Variants in SERGEF observed in about 807,000 individuals in gnomAD.
SERGEF encodes the protein secretion-regulating guanine nucleotide exchange factor.
SERGEF carries 51 observed loss-of-function variants against 50.0 expected under a neutral mutation model. The observed-to-expected ratio is 1.02, with a 90% CI of 0.81 to 1.29. The LOEUF (loss-of-function observed/expected upper bound fraction) is 1.29, where lower values mean the gene tolerates loss of function less well. Among genes scored for constraint, SERGEF ranks in the 50% most tolerant of loss-of-function variants. The pLI, the probability that SERGEF is intolerant of heterozygous loss-of-function variation, is 0.00. For synonymous variants in SERGEF, 205 were observed against 212.4 expected (o/e 0.97, Z 0.30); for missense variants, 521 against 557.0 (o/e 0.94, Z 0.65).
chr11:17,933,715 CA>C (rs5790009), intron 9 of SERGEF, among the ~76,000 whole-genome samples: 29,670 of 139,952 alleles, frequency 0.21, 3,469 homozygotes, highest in Non-Finnish European at 0.29. Context: ...TTAAATTAGG[CA>C]AAAAAAAAAA....
intron 10 of SERGEF, among the ~76,000 whole-genome samples, chr11:17,841,102 G>A (rs1212765617): frequency 6.6e-6 from 1 of 152,108 alleles, no homozygotes; most frequent in Non-Finnish European, 1.5e-5. Context: ...CCACAAGGGT[G>A]GGAAGCAAAC....
chr11:17,933,213 T>C (rs1852387947), intron 9 of SERGEF, among the ~76,000 whole-genome samples: 1 of 152,190 alleles, frequency 6.6e-6, no homozygotes, highest in Non-Finnish European at 1.5e-5. Context: ...TGGTTAATCA[T>C]AAATCCATCT....
intron 3 of SERGEF, among the ~76,000 whole-genome samples, chr11:18,004,914 C>T (rs211137): frequency 0.51 from 77,888 of 152,040 alleles, 20,960 homozygotes; most frequent in African/African-American, 0.69. Flanking sequence ...TAGGGGACAG[C>T]GGTCATGTAA....
chr11:17,880,637 A>T (rs1307127719), intron 9 of SERGEF, among the ~76,000 whole-genome samples: 1 of 152,130 alleles, frequency 6.6e-6, no homozygotes, highest in Non-Finnish European at 1.5e-5. Flanking sequence ...TTTTATACAA[A>T]ATTTTTATAA....
rs1283060597 is a variant in SERGEF at position 17,998,458 on chromosome 11, T to C, written c.508+2039A>G. Among the ~76,000 whole-genome samples, 62 of 65,566 alleles carry C rather than the reference T, an allele frequency of 9.5e-4. 1 individual carries two copies. Among genetic ancestry groups the C allele is most frequent in the South Asian group, 3.2e-3 (6 of 1,864 alleles). 43.0% of individuals were successfully genotyped at this position (65,566 alleles called of 152,430 possible). A position where few individuals can be genotyped will look rare whatever the true frequency, so the allele number is the denominator to read the frequency against. On this transcript the variant is annotated intron_variant, in intron 5 of 10. Transcript: ENST00000265965. The stretch of plus-strand genomic sequence containing the variant: ...ATACATACATATATATATATATATA[T>C]ATATATATATATATATATATATATA...
chr11:17,844,613 T>C (rs896407301), intron 10 of SERGEF, among the ~76,000 whole-genome samples: 13 of 152,146 alleles, frequency 8.5e-5, no homozygotes, highest in African/African-American at 3.1e-4. Context: ...CCTTGCGTCT[T>C]CCTCCACCCA....
At chr11:17,845,277 G>T (rs1281104243) in intron 10 of SERGEF, among the ~76,000 whole-genome samples, 3 of 152,084 alleles carry the variant, frequency 2.0e-5, no homozygotes, top group African/African-American at 7.2e-5. Context: ...TTACCTTTGG[G>T]GGCTCAGCTA....
intron 10 of SERGEF, chr11:17,855,130 T>G (rs933885830): frequency 1.3e-5 from 2 of 152,212 alleles, no homozygotes; most frequent in Admixed American, 6.5e-5. Context: ...TTCTTACTTT[T>G]TATACAAAAT....
chr11:17,924,882 T>C lies in SERGEF; in HGVS notation c.1011+34588A>G, dbSNP rs557624895. Reference sequence around the variant, plus strand: ...AATTTGTGCAATAGAGGAGCATGAATATGGAAAATTCCAGCTGAAAACTTT... The same window carrying C: ...AATTTGTGCAATAGAGGAGCATGAACATGGAAAATTCCAGCTGAAAACTTT... On this transcript the variant is annotated intron_variant, in intron 9 of 10. Coordinates refer to ENST00000265965, the MANE Select transcript of SERGEF (RefSeq NM_012139.4). Among the ~76,000 whole-genome samples the C allele has an allele frequency of 2.6e-5, 4 of 152,232 alleles. No homozygotes were observed. The East Asian group carries it at 7.7e-4, about 29-fold the overall frequency.
intron 9 of SERGEF, among the ~76,000 whole-genome samples, chr11:17,948,403 G>A (rs1428922436): frequency 2.0e-5 from 3 of 152,170 alleles, no homozygotes; most frequent in Admixed American, 1.3e-4. Context: ...CCGCAGTGTA[G>A]TCTCTTGATT....
intron 10 of SERGEF, among the ~76,000 whole-genome samples, chr11:17,845,528 T>C (rs1284152039): frequency 1.3e-5 from 2 of 152,218 alleles, no homozygotes; most frequent in Non-Finnish European, 2.9e-5. Context: ...CCTGGCTCTG[T>C]TCACTGATAT....
chr11:17,788,504 C>G, intron 10 of SERGEF, 91 bp from the exon 11 acceptor site: 1 of 1,097,996 alleles, frequency 9.1e-7, no homozygotes, highest in Non-Finnish European at 1.3e-6. Flanking sequence ...ATCATAAACC[C>G]CAGTTCACTC....
intron 10 of SERGEF, among the ~76,000 whole-genome samples, chr11:17,873,995 G>C (rs1851198368): frequency 6.6e-6 from 1 of 152,186 alleles, no homozygotes; most frequent in Admixed American, 6.5e-5. Context: ...GCTGGATCTG[G>C]GGACCCTGCC....
chr11:17,841,382 G>A (rs965396958), intron 10 of SERGEF, among the ~76,000 whole-genome samples: 1 of 152,132 alleles, frequency 6.6e-6, no homozygotes, highest in Non-Finnish European at 1.5e-5. Context: ...CAGAAACCTG[G>A]GGCTTATGCT....
intron 1 of SERGEF, among the ~76,000 whole-genome samples, chr11:18,010,752 G>A (rs1039353269): frequency 3.3e-5 from 5 of 152,296 alleles, no homozygotes; most frequent in Non-Finnish European, 7.3e-5. Flanking sequence ...GCTCACTGCT[G>A]TTTCCCCTGC....
intron 10 of SERGEF, among the ~76,000 whole-genome samples, chr11:17,867,450 G>C (rs976579999): frequency 1.5e-4 from 23 of 152,352 alleles, no homozygotes; most frequent in African/African-American, 4.3e-4. Context: ...CCATGGTCTT[G>C]GGCAGCTCTG....
Position 17,858,554 on chromosome 11 carries a change from C to T in SERGEF, c.1048+19654G>A, listed in dbSNP as rs183863354. ...CAGTCCAAACATCTTACAAGGAAGT[C>T]AGCAGCCAGTGCATCCTCCCCATGC... is the stretch of plus-strand genomic sequence containing the variant. On this transcript the variant is annotated intron_variant, in intron 10 of 10. Coordinates refer to ENST00000265965, the MANE Select transcript of SERGEF (RefSeq NM_012139.4). 9.2e-5 allele frequency among the ~76,000 whole-genome samples: 14 copies of T among 152,262 alleles called. No homozygotes were observed. In the East Asian group the frequency reaches 2.1e-3, roughly 23 times the overall value.
At chr11:17,835,820 T>C (rs1850387049) in intron 10 of SERGEF, among the ~76,000 whole-genome samples, 1 of 152,266 alleles carries the variant, frequency 6.6e-6, no homozygotes. Flanking sequence ...GTTCTGTTTT[T>C]AGACGGCATA....
At chr11:17,862,383 G>A (rs1412989479) in intron 10 of SERGEF, among the ~76,000 whole-genome samples, 1 of 152,164 alleles carries the variant, frequency 6.6e-6, no homozygotes, top group Non-Finnish European at 1.5e-5. Context: ...AGAAAAGGAG[G>A]CCTGTAGAAG....
Sources: gnomAD v4.1 joint callset for allele counts (sites outside exome capture counted in the v4.1 genomes callset) on GRCh38, gnomAD v4.1.1 for gene constraint, MANE v1.5 for transcripts, NCBI Gene and HGNC (gene_info 2026-07-23, HGNC 2026-07-21) for gene names.